Variants in RMDN2 observed in about 807,000 individuals in gnomAD.
RMDN2 encodes the protein regulator of microtubule dynamics 2.
RMDN2 carries 61 observed loss-of-function variants against 52.8 expected under a neutral mutation model. That is an observed-to-expected ratio of 1.16 (90% CI 0.94 to 1.43). The LOEUF is 1.43. Among genes scored for constraint, RMDN2 ranks in the 40% most tolerant of loss-of-function variants. The probability of loss-of-function intolerance (pLI) is 0.00; values close to 1 mark genes in which losing one functional copy is unlikely to be tolerated. For missense variants in RMDN2, 592 were observed against 475.3 expected (o/e 1.25, Z -2.28); for synonymous variants, 180 against 153.1 (o/e 1.18, Z -1.30).
chr2:37,963,426 A>G (rs1275783569), intron 2 of RMDN2, among the ~76,000 whole-genome samples: 1 of 151,520 alleles, frequency 6.6e-6, no homozygotes, highest in South Asian at 2.1e-4. Flanking sequence ...AAACAAGTGA[A>G]CAAAGGTCTC....
At chr2:38,019,257 A>G (rs989786697), downstream of RMDN2, among the ~76,000 whole-genome samples, 2 of 152,212 alleles carry the variant, frequency 1.3e-5, no homozygotes, top group African/African-American at 4.8e-5. Context: ...TGGTACAAAC[A>G]CTTCCTTTAC....
intron 10 of RMDN2, among the ~76,000 whole-genome samples, chr2:38,048,594 A>G (rs969392944): frequency 6.6e-6 from 1 of 151,992 alleles, no homozygotes; most frequent in African/African-American, 2.4e-5. Flanking sequence ...GTGGATCTAG[A>G]CTACCTCTGT....
chr2:37,950,582 G>A (rs774371620), intron 2 of RMDN2: 1 of 1,613,114 alleles, frequency 6.2e-7, no homozygotes, highest in Admixed American at 1.7e-5. Context: ...ATTTACAATG[G>A]GAAAGTGCTT....
At chr2:38,033,829 C>A (rs988356109) in intron 10 of RMDN2, among the ~76,000 whole-genome samples, 4 of 152,198 alleles carry the variant, frequency 2.6e-5, no homozygotes, top group African/African-American at 4.8e-5. Flanking sequence ...ACCTCCTGCT[C>A]TTGTTGACAA....
chr2:38,013,908 T>A (rs1678355671), intron 10 of RMDN2, among the ~76,000 whole-genome samples: 1 of 152,196 alleles, frequency 6.6e-6, no homozygotes, highest in African/African-American at 2.4e-5. Context: ...TAGTACTTTT[T>A]AGAAAATTAA....
At chr2:37,988,919 C>G (rs968590469) in intron 5 of RMDN2, among the ~76,000 whole-genome samples, 5 of 151,934 alleles carry the variant, frequency 3.3e-5, no homozygotes, top group Non-Finnish European at 7.4e-5. Context: ...AATAAATGAC[C>G]CATGGGATGC....
intron 10 of RMDN2, among the ~76,000 whole-genome samples, chr2:38,048,792 G>C (rs1681422851): frequency 6.6e-6 from 1 of 152,194 alleles, no homozygotes; most frequent in Admixed American, 6.5e-5. Flanking sequence ...ATAGAGAAGG[G>C]GTGGAGATTA....
chr2:37,975,015 C>A lies in RMDN2; in HGVS notation c.628-197C>A. The A allele has an allele frequency of 5.4e-6, 3 of 559,116 alleles. 1 individual carries two copies. The South Asian group carries it at 6.4e-5, about 12-fold the overall frequency. 34.6% of individuals were successfully genotyped at this position (559,116 alleles called of 1,614,324 possible). ...TTGGTTTTAAGATCCAAATGTAACA[C>A]TACATTAGGTCATATTTCTTAGCCA... On this transcript the variant is annotated intron_variant, in intron 3 of 10. Coordinates refer to ENST00000354545, the MANE Select transcript of RMDN2 (RefSeq NM_001170791.3).
chr2:37,977,880 G>A lies in RMDN2; in HGVS notation c.730+2566G>A, dbSNP rs1355502330. On this transcript the variant is annotated intron_variant, in intron 4 of 10. Coordinates refer to ENST00000354545, the MANE Select transcript of RMDN2 (RefSeq NM_001170791.3). ...GGGCTCCTCACATCCCGGACGATGG[G>A]CGGCCAGGCAGAGACGCTCCTCACT... Among the ~76,000 whole-genome samples, 37 of 151,866 alleles carry A rather than the reference G, an allele frequency of 2.4e-4. 1 individual carries two copies. Among genetic ancestry groups the A allele is most frequent in the Admixed American group, 2.4e-3 (37 of 15,260 alleles).
At chr2:38,012,019 G>A (rs1434360829) in intron 10 of RMDN2, among the ~76,000 whole-genome samples, 1 of 152,152 alleles carries the variant, frequency 6.6e-6, no homozygotes, top group Non-Finnish European at 1.5e-5. Flanking sequence ...TTGCTGCTGG[G>A]ATGAGGGTCA....
At chr2:37,923,656 A>G (rs1436942280), upstream of RMDN2, among the ~76,000 whole-genome samples, 1 of 152,192 alleles carries the variant, frequency 6.6e-6, no homozygotes. Flanking sequence ...ACCATAATAA[A>G]TAGGAGTGAA....
chr2:38,014,633 T>A (rs1386110493), intron 10 of RMDN2, among the ~76,000 whole-genome samples: 2 of 152,236 alleles, frequency 1.3e-5, no homozygotes, highest in African/African-American at 4.8e-5. Flanking sequence ...TTATCCAGTC[T>A]TTAGCAGAGA....
At chr2:38,000,399 T>C (rs1199200738) in intron 8 of RMDN2, among the ~76,000 whole-genome samples, 1 of 152,194 alleles carries the variant, frequency 6.6e-6, no homozygotes, top group Non-Finnish European at 1.5e-5. Flanking sequence ...TCAGTGAAGT[T>C]TGACAAACTT....
intron 10 of RMDN2, among the ~76,000 whole-genome samples, chr2:38,031,333 A>G (rs907894760): frequency 7.0e-6 from 1 of 143,256 alleles, no homozygotes. Context: ...CCATTCACAG[A>G]TGCAATCATA....
chr2:38,003,210 G>A (rs1676545905), intron 8 of RMDN2, among the ~76,000 whole-genome samples: 2 of 152,116 alleles, frequency 1.3e-5, no homozygotes, highest in South Asian at 4.1e-4. Context: ...TTAATCTAGT[G>A]GAAGATGCTT....
At chr2:37,950,460 C>G (rs760997921) in intron 2 of RMDN2, 588 of 1,610,698 alleles carry the variant, frequency 3.7e-4, no homozygotes, top group Non-Finnish European at 4.7e-4. Context: ...GCCATGTTAA[C>G]TCCACATGCA....
At chr2:38,006,905 T>C (rs1677177353) in intron 10 of RMDN2, among the ~76,000 whole-genome samples, 1 of 152,234 alleles carries the variant, frequency 6.6e-6, no homozygotes, top group African/African-American at 2.4e-5. Context: ...TTAAGGGTTT[T>C]TAGCATGAAG....
intron 5 of RMDN2, 28 bp from the exon 6 acceptor site, chr2:37,989,513 T>C: frequency 1.3e-6 from 2 of 1,523,184 alleles, no homozygotes; most frequent in Non-Finnish European, 1.8e-6. Flanking sequence ...CAGTGGCCAC[T>C]GTTTTTGTCT....
intron 10 of RMDN2, among the ~76,000 whole-genome samples, chr2:38,031,092 A>G (rs1051008109): frequency 6.6e-6 from 1 of 152,140 alleles, no homozygotes; most frequent in East Asian, 1.9e-4. Flanking sequence ...GGAAAGGAAA[A>G]CAGTAATTTA....
Sources: allele counts gnomAD v4.1 joint callset (sites outside exome capture counted in the v4.1 genomes callset), GRCh38; gene constraint gnomAD v4.1.1; transcripts MANE v1.5; gene names NCBI Gene and HGNC (gene_info 2026-07-23, HGNC 2026-07-21).